DDX50: variants seen among roughly 807,000 people sequenced by gnomAD.
DDX50 encodes ATP-dependent RNA helicase DDX50.
A neutral mutation model predicts 94.8 loss-of-function variants in DDX50; 56 were observed. The ratio of observed to expected loss-of-function variants is 0.59; its 90% CI spans 0.48 to 0.74. The LOEUF (loss-of-function observed/expected upper bound fraction) is 0.74. DDX50 is among the 30% of genes least tolerant of loss of function. The pLI, the probability that DDX50 is intolerant of heterozygous loss-of-function variation, is 0.00. For missense variants in DDX50, 713 were observed against 881.2 expected (o/e 0.81, Z 2.42); for synonymous variants, 264 against 295.4 (o/e 0.89, Z 1.09).
chr10:68,937,816 C>T (rs1403894713), intron 12 of DDX50, among the ~76,000 whole-genome samples: 3 of 152,092 alleles, frequency 2.0e-5, no homozygotes, highest in Non-Finnish European at 4.4e-5. Context: ...AAACTCCTGA[C>T]CTCAGGTGAT....
chr10:68,939,520 C>T (rs533210777), intron 12 of DDX50, among the ~76,000 whole-genome samples: 2 of 152,202 alleles, frequency 1.3e-5, no homozygotes, highest in South Asian at 2.1e-4. Context: ...ATCTTCTTGA[C>T]GTCATGTCTT....
intron 8 of DDX50, among the ~76,000 whole-genome samples, chr10:68,925,743 A>G (rs1417464973): frequency 1.3e-5 from 2 of 151,952 alleles, no homozygotes; most frequent in African/African-American, 2.4e-5. Context: ...GCCAGCTGCA[A>G]TGGCTCACGC....
rs923086934 is a variant in DDX50, at chr10:68,906,763, C to T, written c.140C>T (p.Thr47Ile). Residue 47 changes from threonine (T) to isoleucine (I), a missense_variant, in exon 2 of 15, where the codon ACA becomes ATA. Coordinates refer to ENST00000373585, the MANE Select transcript of DDX50 (RefSeq NM_024045.2). Reference protein sequence around the residue: ...HHYDSDEKSETRENGVTDDLD... With the variant: ...HHYDSDEKSEIRENGVTDDLD... Reference sequence around the variant, plus strand: ...TATGACTCGGATGAGAAATCAGAAACAAGAGAAAATGGTGTTACAGATGAC... The same window carrying T: ...TATGACTCGGATGAGAAATCAGAAATAAGAGAAAATGGTGTTACAGATGAC... 2.5e-6 allele frequency: 4 copies of T among 1,612,188 alleles called. No individual in the cohort carries two copies. The African/African-American group carries it at 5.4e-5, about 22-fold the overall frequency.
intron 13 of DDX50, among the ~76,000 whole-genome samples, chr10:68,942,699 C>T (rs1284284051): frequency 2.6e-5 from 4 of 151,910 alleles, no homozygotes; most frequent in East Asian, 1.9e-4. Context: ...CTGCCACCTC[C>T]GCCTCCCAGG....
At chr10:68,908,559 T>C (rs1434682129) in intron 2 of DDX50, among the ~76,000 whole-genome samples, 1 of 151,502 alleles carries the variant, frequency 6.6e-6, no homozygotes, top group Non-Finnish European at 1.5e-5. Flanking sequence ...GGAGTATGTT[T>C]CAAATATGGC....
At chr10:68,926,968 A>C (rs1264738914) in intron 8 of DDX50, among the ~76,000 whole-genome samples, 1 of 152,134 alleles carries the variant, frequency 6.6e-6, no homozygotes, top group African/African-American at 2.4e-5. Flanking sequence ...GCTGAAGTGC[A>C]GTGGTGTGAT....
intron 1 of DDX50, among the ~76,000 whole-genome samples, chr10:68,904,144 C>CAA (rs34351981): frequency 2.7e-4 from 29 of 108,396 alleles, no homozygotes; most frequent in African/African-American, 3.9e-4. Context: ...AACTCCGTCT[C>CAA]AAAAAAAAAA....
At chr10:68,918,881 T>C (rs1841873740) in intron 7 of DDX50, among the ~76,000 whole-genome samples, 1 of 152,260 alleles carries the variant, frequency 6.6e-6, no homozygotes, top group Non-Finnish European at 1.5e-5. Flanking sequence ...TGCTCGATGG[T>C]GGTCCCATAA....
At position 68,934,252 on chromosome 10, in the gene DDX50, A is replaced by G; in HGVS notation, c.1293A>G (p.Leu431=). ...DIAQSQREIT[L]KGFREGSFKV... Reference sequence around the variant, plus strand: ...CACAGTCACAAAGAGAAATTACACTAAAAGGCTTCAGAGAAGGTAGTTTTA... The same window carrying G: ...CACAGTCACAAAGAGAAATTACACTGAAAGGCTTCAGAGAAGGTAGTTTTA... Residue 431 remains leucine (L), a synonymous_variant, in exon 9 of 15, where the codon CTA becomes CTG. Coordinates refer to ENST00000373585, the MANE Select transcript of DDX50 (RefSeq NM_024045.2). This position sits in a 1 kb window ranked among gnomAD's most constrained non-coding sequence, Gnocchi z 4.0. 4 of 1,612,628 alleles carry G rather than the reference A, an allele frequency of 2.5e-6. No homozygotes were observed. Among genetic ancestry groups the G allele is most frequent in the South Asian group, 2.2e-5 (2 of 91,006 alleles).
At position 68,944,649 on chromosome 10, in the gene DDX50, C is replaced by T. The variant is rs181645663; in HGVS notation, c.1935+1392C>T. 2.3e-3 allele frequency among the ~76,000 whole-genome samples: 354 copies of T among 152,170 alleles called. 1 individual carries two copies. Among genetic ancestry groups the T allele is most frequent in the African/African-American group, 8.0e-3 (333 of 41,522 alleles). On this transcript the variant is annotated intron_variant, in intron 14 of 14. Coordinates refer to ENST00000373585, the MANE Select transcript of DDX50 (RefSeq NM_024045.2). ...GCAACCTCCGCCTCCCGGGTTCAAG[C>T]GATTCTCCTCCCTCAGCCTCCCGAG...
chr10:68,924,691 G>C (rs7894724), intron 8 of DDX50, among the ~76,000 whole-genome samples: 1 of 151,620 alleles, frequency 6.6e-6, no homozygotes, highest in Non-Finnish European at 1.5e-5. Context: ...CTACTTTCTA[G>C]TTCTAGCTGT....
chr10:68,946,349 C>T lies in DDX50; in HGVS notation c.1936-3C>T, dbSNP rs778076137. The T allele has an allele frequency of 2.5e-6, 4 of 1,602,584 alleles. No homozygotes were observed. Among genetic ancestry groups the T allele is most frequent in the East Asian group, 2.2e-5 (1 of 44,672 alleles). On this transcript the variant is annotated splice_region_variant and splice_polypyrimidine_tract_variant and intron_variant, in intron 14 of 14. Transcript: ENST00000373585. ...ATATTAATCCTGTAAATTCCCCTAA[C>T]AGGCAGAGTGGCATGATTCCGACTG...
At chr10:68,907,201 T>C (rs182273327) in intron 2 of DDX50, among the ~76,000 whole-genome samples, 194 bp downstream of exon 2, 1 of 152,192 alleles carries the variant, frequency 6.6e-6, no homozygotes, top group Admixed American at 6.5e-5. Context: ...TGTATGGCCT[T>C]TTTCTTGGGG....
chr10:68,939,740 T>C (rs576976132), intron 12 of DDX50, among the ~76,000 whole-genome samples: 1 of 152,310 alleles, frequency 6.6e-6, no homozygotes, highest in South Asian at 2.1e-4. Flanking sequence ...CTAAAATAGC[T>C]TACTCCTCCC....
At chr10:68,928,034 A>G (rs1407450792) in intron 8 of DDX50, among the ~76,000 whole-genome samples, 4 of 152,160 alleles carry the variant, frequency 2.6e-5, no homozygotes, top group African/African-American at 7.2e-5. Context: ...AAAATAAATG[A>G]ATAATAAAAG....
intron 7 of DDX50, among the ~76,000 whole-genome samples, chr10:68,919,241 TTTCA>T (rs1467290246): frequency 9.8e-5 from 15 of 152,334 alleles, no homozygotes; most frequent in African/African-American, 2.9e-4. Flanking sequence ...TTATGTCTTG[TTTCA>T]TTCACTTAGC....
intron 2 of DDX50, 87 bp downstream of exon 2, chr10:68,907,094 A>C (rs75181064): frequency 1.5e-6 from 2 of 1,297,072 alleles, no homozygotes; most frequent in Non-Finnish European, 2.1e-6. Flanking sequence ...AATTGATTCT[A>C]TAACATTTCT....
rs555565683 is a variant in DDX50, at chr10:68,925,779, C to T, written c.1239+5798C>T. ...CTGTAATCCTAGCATTTTGGGAGGC[C>T]GAGGTAGGCAGATTGCCTGAGCTCA... On this transcript the variant is annotated intron_variant, in intron 8 of 14. Coordinates refer to ENST00000373585, the MANE Select transcript of DDX50 (RefSeq NM_024045.2). Among the ~76,000 whole-genome samples the T allele has an allele frequency of 6.6e-5, 10 of 152,072 alleles. No homozygotes were observed. In the South Asian group the frequency reaches 8.3e-4, roughly 13 times the overall value.
chr10:68,946,659 G>A lies in DDX50; in HGVS notation c.*29G>A. The stretch of plus-strand genomic sequence containing the variant: ...TTTGATAGTTAATCTACCAGTGTGA[G>A]CTTGCCTATTTCTGCCTAATCATGT... On this transcript the variant is annotated 3_prime_UTR_variant, in exon 15 of 15. Coordinates refer to ENST00000373585, the MANE Select transcript of DDX50 (RefSeq NM_024045.2). The A allele has an allele frequency of 6.3e-7, 1 of 1,596,704 alleles. No individual in the cohort carries two copies. Among genetic ancestry groups the A allele is most frequent in the Non-Finnish European group, 8.6e-7 (1 of 1,169,340 alleles).
Sources: allele counts gnomAD v4.1 joint callset (sites outside exome capture counted in the v4.1 genomes callset), GRCh38; gene constraint gnomAD v4.1.1; non-coding constraint Gnocchi (gnomAD v3.1); transcripts MANE v1.5; gene names NCBI Gene and HGNC (gene_info 2026-07-23, HGNC 2026-07-21).